Variants in SHISAL2B observed in about 807,000 individuals in gnomAD.
SHISAL2B encodes shisa like 2B.
A neutral mutation model predicts 16.5 loss-of-function variants in SHISAL2B; 12 were observed. The ratio of observed to expected loss-of-function variants is 0.73; its 90% CI spans 0.47 to 1.18. The LOEUF is 1.18. SHISAL2B is among the 50% of genes most tolerant of loss of function. The pLI, the probability that SHISAL2B is intolerant of heterozygous loss-of-function variation, is 0.00. For missense variants in SHISAL2B, 183 were observed against 193.6 expected (o/e 0.95, Z 0.33); for synonymous variants, 72 against 75.0 (o/e 0.96, Z 0.21).
In SHISAL2B at chr5:64,708,115, C is replaced by T; in HGVS notation, c.350-9774C>T. 2.0e-5 allele frequency among the ~76,000 whole-genome samples: 3 copies of T among 152,174 alleles called. 1 individual carries two copies. In the South Asian group the frequency reaches 6.2e-4, roughly 32 times the overall value. ...AATAATTATAATTATTAATAACATA[C>T]ACTAAGTCATATTAAAATTATAGGA... On this transcript the variant is annotated intron_variant, in intron 2 of 2. Coordinates refer to ENST00000389074, the MANE Select transcript of SHISAL2B (RefSeq NM_001164442.2).
chr5:64,695,566 G>A lies in SHISAL2B; in HGVS notation c.251G>A (p.Ser84Asn), dbSNP rs1397505260. The change falls in exon 2 of 3, where the codon AGT becomes AAT. Residue 84 changes from serine to asparagine, a missense_variant. By Grantham distance (46) the Ser-to-Asn change is conservative. Coordinates refer to ENST00000389074, the MANE Select transcript of SHISAL2B (RefSeq NM_001164442.2). ...AALVLLAFVI[S>N]VCVLCYLFLY... ...CTTGTTTTACTCGCCTTTGTCATCA[G>A]TGTCTGTGTCCTTTGCTATTTATTT... The A allele has an allele frequency of 7.8e-6, 12 of 1,536,838 alleles. No individual in the cohort carries two copies. The highest frequency in any genetic ancestry group is 1.0e-5 in the Non-Finnish European group (12 of 1,146,672).
At chr5:64,717,011 AG>A (rs1742065191) in intron 2 of SHISAL2B, among the ~76,000 whole-genome samples, 1 of 152,206 alleles carries the variant, frequency 6.6e-6, no homozygotes, top group South Asian at 2.1e-4. Flanking sequence ...GATTGCATGT[AG>A]GGTGAGAGAA....
At chr5:64,699,133 T>G (rs999563855) in intron 2 of SHISAL2B, among the ~76,000 whole-genome samples, 1 of 152,188 alleles carries the variant, frequency 6.6e-6, no homozygotes, top group African/African-American at 2.4e-5. Flanking sequence ...CAAAGAAATA[T>G]CCTCATTCTG....
At chr5:64,693,788 A>AACTCTACAGTGAGTC (rs1218198244) in intron 1 of SHISAL2B, among the ~76,000 whole-genome samples, 5 of 152,194 alleles carry the variant, frequency 3.3e-5, no homozygotes, top group African/African-American at 1.2e-4. Flanking sequence ...GTTGAAATAT[A>AACTCTACAGTGAGTC]ACTCTACAGT....
At chr5:64,698,777 C>T (rs1478940476) in intron 2 of SHISAL2B, among the ~76,000 whole-genome samples, 4 of 152,194 alleles carry the variant, frequency 2.6e-5, no homozygotes, top group African/African-American at 7.2e-5. Flanking sequence ...TTGCTCTCTA[C>T]TGTATCCCCA....
At chr5:64,708,139 G>T (rs1466578854) in intron 2 of SHISAL2B, among the ~76,000 whole-genome samples, 1 of 151,898 alleles carries the variant, frequency 6.6e-6, no homozygotes, top group Admixed American at 6.6e-5. Context: ...AAAATTATAG[G>T]AGTTTCCCAT....
intron 2 of SHISAL2B, among the ~76,000 whole-genome samples, chr5:64,709,927 T>C (rs1485349221): frequency 7.9e-5 from 12 of 151,628 alleles, no homozygotes; most frequent in African/African-American, 2.2e-4. Flanking sequence ...TTGTAGATTC[T>C]GGATATTAGC....
chr5:64,690,829 C>T lies in SHISAL2B; in HGVS notation c.191+15C>T, dbSNP rs1398629423. On this transcript the variant is annotated intron_variant, in intron 1 of 2. Coordinates refer to ENST00000389074, the MANE Select transcript of SHISAL2B (RefSeq NM_001164442.2). ...TGGAGCCTCAGGTGGGCTGAGAGCC[C>T]GCGCGTGCGGCGGCTGGCCGAGCCC... The T allele has an allele frequency of 6.7e-7, 1 of 1,485,894 alleles. No individual in the cohort carries two copies. Among genetic ancestry groups the T allele is most frequent in the Non-Finnish European group, 8.9e-7 (1 of 1,118,970 alleles). The allele number at this position is 1,485,894 out of a possible 1,614,324, so 92.0% of individuals were successfully genotyped here.
intron 2 of SHISAL2B, among the ~76,000 whole-genome samples, chr5:64,702,290 T>C (rs930482060): frequency 6.6e-6 from 1 of 152,034 alleles, no homozygotes; most frequent in Non-Finnish European, 1.5e-5. Context: ...AACCTCCGCC[T>C]CCCGGGTTCA....
At chr5:64,705,685 A>G (rs1245335892) in intron 2 of SHISAL2B, among the ~76,000 whole-genome samples, 1 of 152,232 alleles carries the variant, frequency 6.6e-6, no homozygotes, top group Non-Finnish European at 1.5e-5. Context: ...TGATTTTCAA[A>G]TATTATATAA....
chr5:64,714,745 C>G (rs1442172952), intron 2 of SHISAL2B, among the ~76,000 whole-genome samples: 2 of 152,104 alleles, frequency 1.3e-5, no homozygotes, highest in African/African-American at 4.8e-5. Context: ...TCTCGTGGTG[C>G]GCTGTTTTTT....
Position 64,702,206 on chromosome 5 carries a change from AT to A in SHISAL2B, c.349+6553del, listed in dbSNP as rs397974368. Among the ~76,000 whole-genome samples the A allele has an allele frequency of 2.6e-3, 390 of 148,946 alleles. 1 individual carries two copies. The highest frequency in any genetic ancestry group is 7.8e-3 in the African/African-American group (317 of 40,818). Reference sequence around the variant, plus strand: ...TAATTTCTGATTTCTAATATAGTTAATTTTTTTTTTTGAGATGGAGTTTTGC... The same window carrying A: ...TAATTTCTGATTTCTAATATAGTTAATTTTTTTTTTGAGATGGAGTTTTGC... On this transcript the variant is annotated intron_variant, in intron 2 of 2. Coordinates refer to ENST00000389074, the MANE Select transcript of SHISAL2B (RefSeq NM_001164442.2).
chr5:64,717,662 T>G (rs762607865), intron 2 of SHISAL2B, among the ~76,000 whole-genome samples: 2 of 152,196 alleles, frequency 1.3e-5, no homozygotes, highest in Non-Finnish European at 1.5e-5. Context: ...GGAAAAAAGG[T>G]AAGCATGGAA....
In SHISAL2B at chr5:64,716,004, A is replaced by C. The variant is rs899320083; in HGVS notation, c.350-1885A>C. ...AGGGTAGGAACATTTGACACTTTTA[A>C]GTATGCACCAATTTACACTCCCATC... On this transcript the variant is annotated intron_variant, in intron 2 of 2. Coordinates refer to ENST00000389074, the MANE Select transcript of SHISAL2B (RefSeq NM_001164442.2). Among the ~76,000 whole-genome samples, 5 of 152,286 alleles carry C rather than the reference A, an allele frequency of 3.3e-5. No homozygotes were observed. The South Asian group carries it at 6.2e-4, about 19-fold the overall frequency.
chr5:64,695,742 G>A, intron 2 of SHISAL2B, 78 bp downstream of exon 2: 1 of 1,070,494 alleles, frequency 9.3e-7, no homozygotes, highest in Non-Finnish European at 1.2e-6. Flanking sequence ...TGATAATACT[G>A]TTAACAATGA....
intron 2 of SHISAL2B, among the ~76,000 whole-genome samples, chr5:64,705,607 C>T (rs1430929327): frequency 6.6e-6 from 1 of 152,082 alleles, no homozygotes; most frequent in Non-Finnish European, 1.5e-5. Context: ...TTTATCTTTA[C>T]CTGCTATGAT....
At chr5:64,703,819 T>C (rs1294810440) in intron 2 of SHISAL2B, among the ~76,000 whole-genome samples, 1 of 152,170 alleles carries the variant, frequency 6.6e-6, no homozygotes, top group Non-Finnish European at 1.5e-5. Context: ...ACTTTCATGA[T>C]AAATTTTTTG....
intron 2 of SHISAL2B, among the ~76,000 whole-genome samples, chr5:64,706,108 C>T (rs796603443): frequency 1.8e-4 from 28 of 152,220 alleles, no homozygotes; most frequent in African/African-American, 6.0e-4. Flanking sequence ...TACAGTGAGC[C>T]GAGATTGCAC....
At chr5:64,717,565 A>G (rs1433721315) in intron 2 of SHISAL2B, among the ~76,000 whole-genome samples, 2 of 152,208 alleles carry the variant, frequency 1.3e-5, no homozygotes, top group East Asian at 3.8e-4. Context: ...TATGCATAGG[A>G]GAGGGACAGT....
Sources: allele counts gnomAD v4.1 joint callset (sites outside exome capture counted in the v4.1 genomes callset), GRCh38; gene constraint gnomAD v4.1.1; transcripts MANE v1.5; gene names NCBI Gene and HGNC (gene_info 2026-07-23, HGNC 2026-07-21).